Variants in CPE observed in about 807,000 individuals in gnomAD.
CPE encodes the protein carboxypeptidase E.
In CPE, 17 loss-of-function variants were observed where a neutral mutation model predicts 53.5. The observed-to-expected ratio is 0.32, with a 90% CI of 0.22 to 0.48. The LOEUF is 0.48. Among genes scored for constraint, CPE ranks in the 20% least tolerant of loss-of-function variants. The pLI, the probability that CPE is intolerant of heterozygous loss-of-function variation, is 0.99. For synonymous variants in CPE, 226 were observed against 228.8 expected, an observed-to-expected ratio of 0.99 and a Z score of 0.11; for missense variants, 524 against 614.7, an observed-to-expected ratio of 0.85 and a Z score of 1.56.
intron 3 of CPE, among the ~76,000 whole-genome samples, chr4:165,472,740 C>A (rs912231090): frequency 6.6e-5 from 10 of 152,126 alleles, no homozygotes; most frequent in Admixed American, 6.5e-4. Context: ...TTAAAAAATC[C>A]TTTAACTCTC....
chr4:165,397,311 A>G (rs1468754000), intron 1 of CPE, among the ~76,000 whole-genome samples: 1 of 152,196 alleles, frequency 6.6e-6, no homozygotes, highest in Non-Finnish European at 1.5e-5. Flanking sequence ...GTTTGGTACT[A>G]TAATTATCCC....
chr4:165,433,433 A>G (rs909258717), intron 1 of CPE, among the ~76,000 whole-genome samples: 6 of 152,184 alleles, frequency 3.9e-5, no homozygotes, highest in East Asian at 3.9e-4. Context: ...ATGGCCTCCT[A>G]TAGTGATTAC....
intron 1 of CPE, among the ~76,000 whole-genome samples, chr4:165,449,060 A>G (rs1255910730): frequency 6.6e-6 from 1 of 152,224 alleles, no homozygotes; most frequent in Non-Finnish European, 1.5e-5. Context: ...ACCTGTGTGT[A>G]TTTGAGTGTA....
intron 1 of CPE, among the ~76,000 whole-genome samples, chr4:165,415,588 C>T (rs1214878990): frequency 6.6e-6 from 1 of 151,950 alleles, no homozygotes; most frequent in Non-Finnish European, 1.5e-5. Flanking sequence ...AATTATTTCA[C>T]CTATTCACCT....
chr4:165,415,122 G>C (rs1399247309), intron 1 of CPE: 1 of 166,676 alleles, frequency 6.0e-6, no homozygotes, highest in Admixed American at 6.6e-5. Context: ...TAATAGTGCC[G>C]GTCTCCAGAA....
intron 1 of CPE, among the ~76,000 whole-genome samples, chr4:165,423,951 T>C (rs574691003): frequency 6.6e-6 from 1 of 152,164 alleles, no homozygotes; most frequent in South Asian, 2.1e-4. Context: ...ATTTCATCCA[T>C]GTCCCTACAA....
intron 1 of CPE, among the ~76,000 whole-genome samples, chr4:165,394,927 A>G (rs970592184): frequency 3.3e-5 from 5 of 152,228 alleles, no homozygotes; most frequent in African/African-American, 9.6e-5. Context: ...GAAGAAATAT[A>G]TAAAGGAACT....
At chr4:165,413,239 T>C (rs10517844) in intron 1 of CPE, among the ~76,000 whole-genome samples, 43,649 of 152,090 alleles carry the variant, frequency 0.29, 6,422 homozygotes, top group Middle Eastern at 0.4. Context: ...CATGTCTCTA[T>C]AGTGTGTTGT....
chr4:165,464,631 T>C, intron 2 of CPE, 45 bp downstream of exon 2: 1 of 1,493,636 alleles, frequency 6.7e-7, no homozygotes, highest in South Asian at 1.3e-5. Context: ...CTTCATTTTC[T>C]GTATGTTTGT....
chr4:165,470,868 C>T (rs1253226504), intron 3 of CPE, among the ~76,000 whole-genome samples: 2 of 152,060 alleles, frequency 1.3e-5, no homozygotes, highest in South Asian at 2.1e-4. Context: ...GGTAGGATGG[C>T]TCCATGGGTT....
At chr4:165,436,215 C>CACAT (rs3073921) in intron 1 of CPE, among the ~76,000 whole-genome samples, 1 of 149,088 alleles carries the variant, frequency 6.7e-6, no homozygotes, top group Non-Finnish European at 1.5e-5. Context: ...CACACACACA[C>CACAT]GTGTGCACAG....
At chr4:165,448,431 G>A (rs991272278) in intron 1 of CPE, among the ~76,000 whole-genome samples, 2 of 152,122 alleles carry the variant, frequency 1.3e-5, no homozygotes, top group African/African-American at 4.8e-5. Context: ...GTGGAGCCAG[G>A]ATTCAGCCCC....
chr4:165,384,264 A>G (rs1730551058), intron 1 of CPE, among the ~76,000 whole-genome samples: 1 of 152,222 alleles, frequency 6.6e-6, no homozygotes, highest in South Asian at 2.1e-4. Context: ...GAAAGACCTA[A>G]CAGAGCTCTT....
chr4:165,380,090 C>T (rs1287704499), intron 1 of CPE, among the ~76,000 whole-genome samples: 1 of 152,116 alleles, frequency 6.6e-6, no homozygotes, highest in Non-Finnish European at 1.5e-5. Context: ...CCCATCTCTA[C>T]CTGTGTGTGT....
intron 3 of CPE, among the ~76,000 whole-genome samples, chr4:165,476,783 G>A (rs995009240): frequency 1.1e-4 from 17 of 152,174 alleles, no homozygotes; most frequent in Non-Finnish European, 4.4e-5. Flanking sequence ...TGAGGACACT[G>A]GCAGAACCTG....
Position 165,379,590 on chromosome 4 carries a change from A to G in CPE, c.307+62A>G, listed in dbSNP as rs1325936293. ...CCGGAGGGGGGCGGCAGAGGGTGGGACTGGTGGCGGTGGGGGAAGGAGGGA... is the reference window on the plus strand; with the variant it reads ...CCGGAGGGGGGCGGCAGAGGGTGGGGCTGGTGGCGGTGGGGGAAGGAGGGA... On this transcript the variant is annotated intron_variant, in intron 1 of 8. Transcript: ENST00000402744. This position sits in a 1 kb window ranked among gnomAD's most constrained non-coding sequence, Gnocchi z 6.0. 3.7e-6 allele frequency: 4 copies of G among 1,090,616 alleles called. No homozygotes were observed. The highest frequency in any genetic ancestry group is 4.8e-6 in the Non-Finnish European group (4 of 827,232). 67.6% of individuals were successfully genotyped at this position (1,090,616 alleles called of 1,614,324 possible).
In CPE at chr4:165,456,556, T is replaced by TTC. The variant is rs33985842; in HGVS notation, c.308-7816_308-7815dup. 9.4e-4 allele frequency among the ~76,000 whole-genome samples: 141 copies of TTC among 149,696 alleles called. 1 individual carries two copies. The Middle Eastern group carries it at 0.017, about 18-fold the overall frequency. On this transcript the variant is annotated intron_variant, in intron 1 of 8. Coordinates refer to ENST00000402744, the MANE Select transcript of CPE (RefSeq NM_001873.4). Reference sequence around the variant, plus strand: ...TCTCTTTCTTTGTTTCTCTCTCTCTTTCTCTCTCTCTCTCTCTCTTTCTTT... The same window carrying TTC: ...TCTCTTTCTTTGTTTCTCTCTCTCTTTCTCTCTCTCTCTCTCTCTCTTTCTTT...
chr4:165,403,740 C>T (rs1348490880), intron 1 of CPE, among the ~76,000 whole-genome samples: 2 of 151,402 alleles, frequency 1.3e-5, no homozygotes, highest in African/African-American at 4.9e-5. Context: ...ATTGCCCTCA[C>T]CACCCCTGGC....
Position 165,493,220 on chromosome 4 carries a change from T to C in CPE, c.1163T>C (p.Ile388Thr), listed in dbSNP as rs1358607266. The C allele has an allele frequency of 6.2e-7, 1 of 1,614,144 alleles. No individual in the cohort carries two copies. Among genetic ancestry groups the C allele is most frequent in the African/African-American group, 1.3e-5 (1 of 75,048 alleles). The change falls in exon 7 of 9, where the codon ATT (isoleucine) becomes ACT (threonine). Residue 388 changes from isoleucine to threonine, a missense_variant. Transcript: ENST00000402744. ...GFVRDLQGNPIANATISVEGI... is the reference protein window; with the variant it reads ...GFVRDLQGNPTANATISVEGI... ...GTCCGAGACCTTCAAGGTAACCCAATTGCGAATGCCACCATCTCCGTGGAA... is the reference window on the plus strand; with the variant it reads ...GTCCGAGACCTTCAAGGTAACCCAACTGCGAATGCCACCATCTCCGTGGAA...
Sources: gnomAD v4.1 joint callset for allele counts (sites outside exome capture counted in the v4.1 genomes callset) on GRCh38, gnomAD v4.1.1 for gene constraint, Gnocchi (gnomAD v3.1) non-coding constraint, MANE v1.5 for transcripts, NCBI Gene and HGNC (gene_info 2026-07-23, HGNC 2026-07-21) for gene names.